SERGEF: variants seen among roughly 807,000 people sequenced by gnomAD.
The protein encoded by SERGEF is secretion regulating guanine nucleotide exchange factor, also known as secretion-regulating guanine nucleotide exchange factor.
Under a neutral mutation model 50.0 loss-of-function variants are expected in SERGEF, and 51 were observed. The ratio of observed to expected loss-of-function variants is 1.02; its 90% confidence interval spans 0.81 to 1.29. The LOEUF (loss-of-function observed/expected upper bound fraction) is 1.29, where lower values mean the gene tolerates loss of function less well. SERGEF is among the 50% of genes most tolerant of loss of function. SERGEF has a pLI of 0.00. For missense variants in SERGEF, 521 were observed against 557.0 expected (o/e 0.94, Z 0.65); for synonymous variants, 205 against 212.4 (o/e 0.97, Z 0.30).
rs551425805 is a variant in SERGEF, at chr11:17,869,216, C to T, written c.1048+8992G>A. Among the ~76,000 whole-genome samples the T allele has an allele frequency of 1.6e-4, 24 of 152,276 alleles. No homozygotes were observed. In the South Asian group the frequency reaches 4.8e-3, roughly 30 times the overall value. ...AAAGCCATACAGGAAAAGACTGATA[C>T]ATTTAATCTATAGTAAAATAAAAGG... On this transcript the variant is annotated intron_variant, in intron 10 of 10. Transcript: ENST00000265965.
At chr11:17,981,428 C>A (rs962520834) in intron 8 of SERGEF, among the ~76,000 whole-genome samples, 4 of 152,164 alleles carry the variant, frequency 2.6e-5, no homozygotes, top group African/African-American at 9.7e-5. Flanking sequence ...CTGAGAAACA[C>A]AAGATCTGGA....
chr11:18,012,503 T>TC (rs1490692251), intron 1 of SERGEF: 2 of 1,113,542 alleles, frequency 1.8e-6, no homozygotes, highest in South Asian at 2.0e-5. Context: ...AGGCCTCACA[T>TC]CTAAAGGATG....
At chr11:17,816,088 T>C (rs1367976031) in intron 10 of SERGEF, among the ~76,000 whole-genome samples, 2 of 152,140 alleles carry the variant, frequency 1.3e-5, no homozygotes. Flanking sequence ...TCTGCTTGAA[T>C]AATGAGCCCT....
chr11:18,000,250 C>A (rs1384778205), intron 5 of SERGEF, among the ~76,000 whole-genome samples: 1 of 152,128 alleles, frequency 6.6e-6, no homozygotes, highest in Non-Finnish European at 1.5e-5. Context: ...AAATTCAAGA[C>A]CAGCCTGGGC....
At chr11:18,010,623 C>A (rs1453084298) in intron 1 of SERGEF, among the ~76,000 whole-genome samples, 2 of 152,188 alleles carry the variant, frequency 1.3e-5, no homozygotes, top group Non-Finnish European at 2.9e-5. Context: ...CCATATCACT[C>A]ATTTTCTGCT....
chr11:17,869,074 C>T (rs561605262), intron 10 of SERGEF, among the ~76,000 whole-genome samples: 56 of 152,228 alleles, frequency 3.7e-4, no homozygotes, highest in Admixed American at 1.7e-3. Flanking sequence ...CAGGTGTGAG[C>T]GACTGACCCT....
intron 9 of SERGEF, among the ~76,000 whole-genome samples, chr11:17,944,423 T>C (rs1405360880): frequency 6.6e-6 from 1 of 152,220 alleles, no homozygotes; most frequent in East Asian, 1.9e-4. Flanking sequence ...ATTGCCCCAG[T>C]AATGTCCTTT....
intron 10 of SERGEF, among the ~76,000 whole-genome samples, chr11:17,830,429 G>A (rs905768983): frequency 1.3e-5 from 2 of 152,164 alleles, no homozygotes; most frequent in East Asian, 3.9e-4. Context: ...AATAATAGAC[G>A]TTTATTGGTT....
At chr11:17,828,595 C>A (rs181032879) in intron 10 of SERGEF, among the ~76,000 whole-genome samples, 234 of 152,284 alleles carry the variant, frequency 1.5e-3, no homozygotes, top group African/African-American at 5.5e-3. Flanking sequence ...TTTGGGAAAA[C>A]CGCTTTTACT....
In SERGEF at chr11:17,945,877, C is replaced by G. The variant is rs550123043; in HGVS notation, c.1011+13593G>C. Reference sequence around the variant, plus strand: ...CCTGTAATCCCAGCTACTCACGAGGCTGAGGCAGGAGAATTGCTTGAACCC... The same window carrying G: ...CCTGTAATCCCAGCTACTCACGAGGGTGAGGCAGGAGAATTGCTTGAACCC... On this transcript the variant is annotated intron_variant, in intron 9 of 10. Coordinates refer to ENST00000265965, the MANE Select transcript of SERGEF (RefSeq NM_012139.4). Among the ~76,000 whole-genome samples, 7 of 152,206 alleles carry G rather than the reference C, an allele frequency of 4.6e-5. No homozygotes were observed. The South Asian group carries it at 1.4e-3, about 32-fold the overall frequency.
At chr11:18,006,454 T>C (rs1854076033) in intron 3 of SERGEF, 137 bp downstream of exon 3, 3 of 862,868 alleles carry the variant, frequency 3.5e-6, no homozygotes, top group East Asian at 2.7e-5. Context: ...GGAATTACAA[T>C]TGTGAGCCAC....
rs1318631728 is a variant in SERGEF, at chr11:17,888,029, TC to T, written c.1012-9786del. ...TCAGATCAGCGGTGGCATTAGATTC[TC>T]ATATGAGCACAAACCCTATTGTGAA... On this transcript the variant is annotated intron_variant, in intron 9 of 10. Coordinates refer to ENST00000265965, the MANE Select transcript of SERGEF (RefSeq NM_012139.4). The surrounding 1 kb of genome is among the most constrained non-coding windows in gnomAD (Gnocchi z 4.1). Among the ~76,000 whole-genome samples, 1 of 152,126 alleles carries T rather than the reference TC, an allele frequency of 6.6e-6. No individual in the cohort carries two copies. The highest frequency in any genetic ancestry group is 1.9e-4 in the East Asian group (1 of 5,172).
intron 10 of SERGEF, among the ~76,000 whole-genome samples, chr11:17,833,904 C>T (rs1464901628): frequency 1.3e-5 from 2 of 152,176 alleles, no homozygotes; most frequent in African/African-American, 2.4e-5. Context: ...TTTACAGACT[C>T]ATAGGCAGAA....
intron 9 of SERGEF, among the ~76,000 whole-genome samples, chr11:17,881,237 T>C (rs1048874910): frequency 6.6e-6 from 1 of 152,248 alleles, no homozygotes; most frequent in East Asian, 1.9e-4. Flanking sequence ...GCCCTGCTTC[T>C]GACTGCTGGG....
At chr11:17,901,072 A>G (rs148284102) in intron 9 of SERGEF, among the ~76,000 whole-genome samples, 31 of 148,764 alleles carry the variant, frequency 2.1e-4, no homozygotes, top group Middle Eastern at 3.5e-3. Context: ...TGATCCTCCT[A>G]TTTCTGTTAG....
At chr11:17,855,215 T>C (rs868040543) in intron 10 of SERGEF, 6 of 151,988 alleles carry the variant, frequency 3.9e-5, no homozygotes, top group Non-Finnish European at 7.4e-5. Context: ...AGCGGGGGAG[T>C]AGGAGAGCCA....
chr11:18,011,005 TG>T (rs2134017393), intron 1 of SERGEF, among the ~76,000 whole-genome samples: 1 of 152,266 alleles, frequency 6.6e-6, no homozygotes, highest in South Asian at 2.1e-4. Flanking sequence ...TACCAATTTT[TG>T]TAACACTGTG....
At chr11:17,825,364 C>G (rs754408943) in intron 10 of SERGEF, among the ~76,000 whole-genome samples, 13 of 152,098 alleles carry the variant, frequency 8.5e-5, no homozygotes, top group Non-Finnish European at 1.3e-4. Flanking sequence ...TATATACATG[C>G]CGAAATTGAG....
chr11:17,997,751 T>C (rs1011008574), intron 5 of SERGEF, among the ~76,000 whole-genome samples: 2 of 152,216 alleles, frequency 1.3e-5, no homozygotes, highest in African/African-American at 2.4e-5. Context: ...GAGGACATCA[T>C]GCTAAGTGAA....
Sources: gnomAD v4.1 joint callset for allele counts (sites outside exome capture counted in the v4.1 genomes callset) on GRCh38, gnomAD v4.1.1 for gene constraint, Gnocchi (gnomAD v3.1) non-coding constraint, MANE v1.5 for transcripts, NCBI Gene and HGNC (gene_info 2026-07-23, HGNC 2026-07-21) for gene names.